NAA11: variants seen among roughly 807,000 people sequenced by gnomAD.
NAA11 encodes N-alpha-acetyltransferase 11, NatA catalytic subunit, also known as N-alpha-acetyltransferase 11.
Under a neutral mutation model 16.1 loss-of-function variants are expected in NAA11, and 15 were observed. The observed-to-expected ratio is 0.93, with a 90% CI of 0.62 to 1.44. The LOEUF (loss-of-function observed/expected upper bound fraction) is 1.44, where lower values mean the gene tolerates loss of function less well. Ranked by LOEUF, NAA11 falls within the 40% of genes most tolerant of loss-of-function variation. The probability of loss-of-function intolerance (pLI) is 0.00; values close to 1 mark genes in which losing one functional copy is unlikely to be tolerated. For synonymous variants in NAA11, 122 were observed against 112.4 expected, an observed-to-expected ratio of 1.09 and a Z score of -0.54; for missense variants, 298 against 291.3, an observed-to-expected ratio of 1.02 and a Z score of -0.17.
chr4:79,166,580 G>C, the NAA11 span, among the ~76,000 whole-genome samples: 3 of 145,254 alleles, frequency 2.1e-5, no homozygotes, highest in East Asian at 4.3e-4. Flanking sequence ...CTCCTGCCTG[G>C]GGTCTCCCAA....
At chr4:79,297,254 C>G (rs1191323536) in intron 1 of NAA11, among the ~76,000 whole-genome samples, 1 of 152,182 alleles carries the variant, frequency 6.6e-6, no homozygotes, top group Non-Finnish European at 1.5e-5. Flanking sequence ...TCCGTGGAGC[C>G]CACTGCCCTG....
At chr4:79,161,884 T>G in the NAA11 span, among the ~76,000 whole-genome samples, 1 of 152,230 alleles carries the variant, frequency 6.6e-6, no homozygotes, top group Admixed American at 6.5e-5. Context: ...GGTTTCACCA[T>G]ATTGGCCAGG....
chr4:79,194,215 G>C, the NAA11 span, among the ~76,000 whole-genome samples: 2 of 152,038 alleles, frequency 1.3e-5, no homozygotes, highest in African/African-American at 4.8e-5. Context: ...ACTGTCGTTG[G>C]TAATTTAATA....
In NAA11 at chr4:79,245,742, G is replaced by A. The variant is rs1217265080; in HGVS notation, c.*123-19472C>T. On this transcript the variant is annotated intron_variant and NMD_transcript_variant, in intron 2 of 2. Coordinates refer to the NAA11 transcript ENST00000511542. ...TGGGAGGTTGGGGGCGCCCCCGCCC[G>A]GCAGCCACCCCCTCTGGGAGGTAGG... Among the ~76,000 whole-genome samples the A allele has an allele frequency of 1.8e-4, 27 of 150,656 alleles. 1 individual carries two copies. Among genetic ancestry groups the A allele is most frequent in the African/African-American group, 3.2e-4 (13 of 40,968 alleles).
chr4:79,223,766 GC>G (rs1235016090), downstream of NAA11, among the ~76,000 whole-genome samples: 1 of 140,990 alleles, frequency 7.1e-6, no homozygotes, highest in Admixed American at 7.1e-5. Flanking sequence ...TTTTTTTTTT[GC>G]ATGGTTATGT....
At chr4:79,205,326 A>G in the NAA11 span, among the ~76,000 whole-genome samples, 10 of 151,972 alleles carry the variant, frequency 6.6e-5, no homozygotes, top group Admixed American at 3.9e-4. Flanking sequence ...TTGTGCCGAC[A>G]TCTATTTTTG....
chr4:79,171,030 T>C, the NAA11 span, among the ~76,000 whole-genome samples: 4 of 152,208 alleles, frequency 2.6e-5, no homozygotes, highest in South Asian at 6.2e-4. Context: ...TATGTTCCTC[T>C]CATGTTGATA....
the NAA11 span, among the ~76,000 whole-genome samples, chr4:79,167,254 CATATAT>C: frequency 3.5e-5 from 4 of 112,884 alleles, no homozygotes; most frequent in Non-Finnish European, 6.9e-5. Context: ...CACACACCCA[CATATAT>C]ATATATATAT....
chr4:79,194,316 C>T, the NAA11 span, among the ~76,000 whole-genome samples: 387 of 152,062 alleles, frequency 2.5e-3, 4 homozygotes, highest in South Asian at 6.4e-3. Flanking sequence ...GATGTTTTTC[C>T]ATTTGTGTTT....
chr4:79,322,673 A>G (rs1370575514), intron 1 of NAA11, among the ~76,000 whole-genome samples: 2 of 152,190 alleles, frequency 1.3e-5, no homozygotes, highest in African/African-American at 4.8e-5. Flanking sequence ...TGTGCATTCA[A>G]AGAGTCTTGA....
chr4:79,240,986 C>T (rs2109961172), intron 2 of NAA11, among the ~76,000 whole-genome samples: 1 of 152,308 alleles, frequency 6.6e-6, no homozygotes, highest in South Asian at 2.1e-4. Context: ...AGCTGAGATT[C>T]TGGCTAAGGG....
intron 2 of NAA11, among the ~76,000 whole-genome samples, chr4:79,230,303 T>C (rs369883982): frequency 2.0e-5 from 3 of 151,748 alleles, no homozygotes; most frequent in Non-Finnish European, 2.9e-5. Flanking sequence ...AGGGATAGCA[T>C]TGGGAGATAT....
At chr4:79,163,506 G>T in the NAA11 span, among the ~76,000 whole-genome samples, 1 of 152,104 alleles carries the variant, frequency 6.6e-6, no homozygotes. Context: ...GCCTGTCACT[G>T]GGTCATCATT....
downstream of NAA11, among the ~76,000 whole-genome samples, chr4:79,221,616 G>A (rs1364966512): frequency 1.8e-5 from 2 of 110,908 alleles, no homozygotes; most frequent in Non-Finnish European, 4.1e-5. Flanking sequence ...GGCTTTTTCT[G>A]CATCTATTGA....
intron 2 of NAA11, among the ~76,000 whole-genome samples, chr4:79,251,468 C>A (rs112572400): frequency 6.6e-6 from 1 of 151,940 alleles, no homozygotes; most frequent in Non-Finnish European, 1.5e-5. Flanking sequence ...ACACTGGGGC[C>A]TACTTGAGAG....
chr4:79,160,670 A>T, the NAA11 span, among the ~76,000 whole-genome samples: 1 of 152,010 alleles, frequency 6.6e-6, no homozygotes, highest in Non-Finnish European at 1.5e-5. Context: ...AGAAATTTTT[A>T]TTTAAATCTT....
At chr4:79,321,819 A>C (rs1235622831) in intron 1 of NAA11, among the ~76,000 whole-genome samples, 1 of 152,200 alleles carries the variant, frequency 6.6e-6, no homozygotes, top group Non-Finnish European at 1.5e-5. Flanking sequence ...ATTACAACAA[A>C]AGTATTTTTA....
At position 79,325,454 on chromosome 4, in the gene NAA11, C is replaced by A; in HGVS notation, c.424G>T (p.Glu142Ter). The A allele has an allele frequency of 6.2e-7, 1 of 1,614,218 alleles. No homozygotes were observed. Among genetic ancestry groups the A allele is most frequent in the Non-Finnish European group, 8.5e-7 (1 of 1,180,048 alleles). Residue 142 changes from glutamate to a stop codon, truncating the protein, a stop_gained, in exon 1 of 2, where the codon GAA (glutamate) becomes TAA (stop). Transcript: ENST00000286794. LOFTEE classifies it high-confidence loss of function. ...EVEPKYYADGEDAYAMKRDLS... is the reference protein window; with the variant it reads ...EVEPKYYADG ...TCCCGCTTCATAGCATAAGCATCTT[C>A]CCCATCTGCATAGTATTTAGGTTCC...
intron 2 of NAA11, among the ~76,000 whole-genome samples, chr4:79,250,497 C>T (rs1203540953): frequency 6.6e-6 from 1 of 152,200 alleles, no homozygotes; most frequent in Non-Finnish European, 1.5e-5. Flanking sequence ...TGGATTGAGA[C>T]CCAAATGTAA....
Sources: gnomAD v4.1 joint callset for allele counts (sites outside exome capture counted in the v4.1 genomes callset) on GRCh38, gnomAD v4.1.1 for gene constraint, MANE v1.5 for transcripts, NCBI Gene and HGNC (gene_info 2026-07-23, HGNC 2026-07-21) for gene names.